The following PDHX variants were observed in gnomAD, a reference collection of about 807,000 sequenced individuals.
The protein encoded by PDHX is pyruvate dehydrogenase protein X component, mitochondrial.
Under a neutral mutation model 55.3 loss-of-function variants are expected in PDHX, and 33 were observed. The observed-to-expected ratio is 0.60, with a 90% CI of 0.45 to 0.80. The LOEUF is 0.80. Ranked by LOEUF, PDHX falls within the 30% of genes least tolerant of loss-of-function variation. PDHX has a pLI of 0.00. For synonymous variants in PDHX, 226 were observed against 219.4 expected (o/e 1.03, Z -0.27); for missense variants, 622 against 619.9 (o/e 1.00, Z -0.04).
At chr11:34,915,944 G>T, upstream of PDHX, 1 of 531,982 alleles carries the variant, frequency 1.9e-6, no homozygotes, top group South Asian at 2.5e-5. Context: ...ACCCGGTGAG[G>T]TCACCTAAAC....
intron 4 of PDHX, among the ~76,000 whole-genome samples, chr11:34,958,687 T>A (rs1854957200): frequency 6.6e-6 from 1 of 152,138 alleles, no homozygotes; most frequent in African/African-American, 2.4e-5. Flanking sequence ...CCTCTTTCAT[T>A]TACCCTAAAA....
chr11:34,918,291 A>G (rs984768747), intron 1 of PDHX, among the ~76,000 whole-genome samples: 1 of 149,336 alleles, frequency 6.7e-6, no homozygotes, highest in African/African-American at 2.5e-5. Context: ...AAAAAAAAAG[A>G]AAGAAAAAAA....
chr11:34,956,739 A>G (rs571737235), intron 3 of PDHX, among the ~76,000 whole-genome samples: 25 of 152,128 alleles, frequency 1.6e-4, no homozygotes, highest in Non-Finnish European at 2.9e-4. Context: ...TGTGTTTCTG[A>G]TATACTTATA....
chr11:34,945,742 G>T (rs522436), intron 2 of PDHX, among the ~76,000 whole-genome samples: 85,292 of 152,120 alleles, frequency 0.56, 24,975 homozygotes, highest in East Asian at 0.8. Context: ...TTCTGTTTAA[G>T]TTTTTATCAA....
Position 34,944,622 on chromosome 11 carries a change from T to C in PDHX, c.242-2884T>C, listed in dbSNP as rs376397446. Among the ~76,000 whole-genome samples, 68 of 152,348 alleles carry C rather than the reference T, an allele frequency of 4.5e-4. 1 individual carries two copies. Among genetic ancestry groups the C allele is most frequent in the African/African-American group, 1.5e-3 (64 of 41,586 alleles). ...TTGGTACACAATGAAGTACTTTCTG[T>C]ACTGTGAACGTTCAGAGCATATTTG... is the stretch of plus-strand genomic sequence containing the variant. On this transcript the variant is annotated intron_variant, in intron 2 of 10. Transcript: ENST00000227868.
intron 8 of PDHX, among the ~76,000 whole-genome samples, chr11:34,980,383 T>TTTGC: frequency 9.9e-6 from 1 of 100,832 alleles, no homozygotes. Context: ...CAGCAAGATT[T>TTTGC]ATTGTGAAGA....
intron 5 of PDHX, among the ~76,000 whole-genome samples, chr11:34,961,262 GGTTTAAATGTTTGTGTCTTTCCATTA>G (rs780795771): frequency 6.6e-6 from 1 of 152,072 alleles, no homozygotes; most frequent in Non-Finnish European, 1.5e-5. Context: ...CTGCAACACT[GGTTTAAATGTTTGTGTCTTTCCATTA>G]GTTTAAATGT....
intron 7 of PDHX, among the ~76,000 whole-genome samples, chr11:34,972,477 A>T (rs1855278512): frequency 6.6e-6 from 1 of 150,884 alleles, no homozygotes; most frequent in Non-Finnish European, 1.5e-5. Flanking sequence ...GGTTCACTTC[A>T]ACCACCGCCT....
chr11:34,953,878 C>G (rs886611136), intron 3 of PDHX, among the ~76,000 whole-genome samples: 1 of 152,142 alleles, frequency 6.6e-6, no homozygotes, highest in African/African-American at 2.4e-5. Context: ...TAATGCTGTG[C>G]TGGAACAGTG....
chr11:34,932,879 C>T (rs1854211836), intron 2 of PDHX, among the ~76,000 whole-genome samples: 1 of 152,040 alleles, frequency 6.6e-6, no homozygotes, highest in African/African-American at 2.4e-5. Context: ...ATAACTTTTA[C>T]TGTATCTACA....
rs200608148 is a variant in PDHX at position 34,931,115 on chromosome 11, C to CT, written c.161-280dup. Among the ~76,000 whole-genome samples the CT allele has an allele frequency of 0.011, 1,704 of 150,670 alleles. 28 individuals carry two copies. The highest frequency in any genetic ancestry group is 0.039 in the African/African-American group (1,605 of 41,136). On this transcript the variant is annotated intron_variant, in intron 1 of 10. Coordinates refer to ENST00000227868, the MANE Select transcript of PDHX (RefSeq NM_003477.3). Reference sequence around the variant, plus strand: ...AATCAATCCTAAATCAATTTTTCTCCTTTTTTTTTGACTTATAAGCACCTG... The same window carrying CT: ...AATCAATCCTAAATCAATTTTTCTCCTTTTTTTTTTGACTTATAAGCACCTG...
chr11:34,934,869 G>A (rs183955821), intron 2 of PDHX, among the ~76,000 whole-genome samples: 156 of 151,730 alleles, frequency 1.0e-3, no homozygotes, highest in Middle Eastern at 3.4e-3. Context: ...ATAAGCCACC[G>A]CACCCAGCAT....
At chr11:34,948,033 C>G (rs933538400) in intron 3 of PDHX, among the ~76,000 whole-genome samples, 2 of 152,154 alleles carry the variant, frequency 1.3e-5, no homozygotes, top group African/African-American at 4.8e-5. Flanking sequence ...CTGACTGATT[C>G]ATGTTATATC....
intron 2 of PDHX, among the ~76,000 whole-genome samples, chr11:34,934,614 G>C (rs1253260221): frequency 9.2e-6 from 1 of 108,580 alleles, no homozygotes; most frequent in Non-Finnish European, 1.7e-5. Context: ...GTCTCACTCT[G>C]TTGCCCAGCC....
intron 3 of PDHX, among the ~76,000 whole-genome samples, chr11:34,951,132 C>T (rs937856780): frequency 1.4e-5 from 2 of 146,494 alleles, no homozygotes; most frequent in Non-Finnish European, 3.0e-5. Flanking sequence ...TCTCGGCTCA[C>T]TGCAAGCTCC....
At chr11:34,992,927 C>T (rs1219875182) in intron 10 of PDHX, among the ~76,000 whole-genome samples, 2 of 152,084 alleles carry the variant, frequency 1.3e-5, no homozygotes, top group African/African-American at 4.8e-5. Flanking sequence ...AACAATTTTC[C>T]AAATGGTTAT....
At position 34,963,523 on chromosome 11, in the gene PDHX, T is replaced by C. The variant is rs140578902; in HGVS notation, c.641+3005T>C. ...TCAAGCTCTTGGCCTCAGGTGACCC[T>C]CCCACCTCAGCCTCTCGAAGTGCTG... On this transcript the variant is annotated intron_variant, in intron 5 of 10. Transcript: ENST00000227868. 3.8e-3 allele frequency among the ~76,000 whole-genome samples: 586 copies of C among 152,242 alleles called. 1 individual carries two copies. The highest frequency in any genetic ancestry group is 0.013 in the African/African-American group (557 of 41,546).
At chr11:34,968,044 A>G (rs1401997082) in intron 6 of PDHX, among the ~76,000 whole-genome samples, 1 of 152,074 alleles carries the variant, frequency 6.6e-6, no homozygotes, top group East Asian at 1.9e-4. Flanking sequence ...CTGAGGTGGG[A>G]GGATTGCCTG....
At chr11:34,947,325 A>G (rs764016581) in intron 2 of PDHX, among the ~76,000 whole-genome samples, 181 bp from the exon 3 acceptor site, 5 of 152,134 alleles carry the variant, frequency 3.3e-5, no homozygotes, top group Non-Finnish European at 5.9e-5. Context: ...AATTACAGCA[A>G]AGCATACACA....
Sources: allele counts gnomAD v4.1 joint callset (sites outside exome capture counted in the v4.1 genomes callset), GRCh38; gene constraint gnomAD v4.1.1; transcripts MANE v1.5; gene names NCBI Gene and HGNC (gene_info 2026-07-23, HGNC 2026-07-21).